The following EHBP1 variants were observed in gnomAD, a reference collection of about 807,000 sequenced individuals.
EHBP1 encodes EH domain-binding protein 1.
EHBP1 carries 55 observed loss-of-function variants against 144.0 expected under a neutral mutation model. The observed-to-expected ratio is 0.38, with a 90% CI of 0.31 to 0.48. The LOEUF (loss-of-function observed/expected upper bound fraction) is 0.48, where lower values mean the gene tolerates loss of function less well. Among genes scored for constraint, EHBP1 ranks in the 20% least tolerant of loss-of-function variants. The probability of loss-of-function intolerance (pLI) is 0.98; values close to 1 mark genes in which losing one functional copy is unlikely to be tolerated. For missense variants in EHBP1, 1,200 were observed against 1,364.2 expected (o/e 0.88, Z 1.90); for synonymous variants, 469 against 472.7 (o/e 0.99, Z 0.10).
intron 7 of EHBP1, among the ~76,000 whole-genome samples, chr2:62,838,061 C>G (rs1258546898): frequency 6.6e-6 from 1 of 150,684 alleles, no homozygotes; most frequent in African/African-American, 2.5e-5. Flanking sequence ...CACACCACAC[C>G]TATTCCAAAA....
chr2:62,981,760 G>C (rs1462198493), intron 15 of EHBP1, among the ~76,000 whole-genome samples: 1 of 152,170 alleles, frequency 6.6e-6, no homozygotes, highest in Non-Finnish European at 1.5e-5. Context: ...GTGAGGACTG[G>C]ATCTATAGAG....
At chr2:62,920,237 G>A (rs1455517558) in intron 10 of EHBP1, among the ~76,000 whole-genome samples, 2 of 152,068 alleles carry the variant, frequency 1.3e-5, no homozygotes, top group Non-Finnish European at 2.9e-5. Flanking sequence ...CAAGAGAGAA[G>A]TGACTCATCA....
chr2:62,838,806 C>G (rs1260353505), intron 7 of EHBP1, among the ~76,000 whole-genome samples: 2 of 145,614 alleles, frequency 1.4e-5, no homozygotes, highest in African/African-American at 5.1e-5. Context: ...AGTTGAATCT[C>G]TGAATAGACC....
intron 10 of EHBP1, among the ~76,000 whole-genome samples, chr2:62,877,294 T>A (rs917313568): frequency 6.6e-6 from 1 of 152,106 alleles, no homozygotes; most frequent in Non-Finnish European, 1.5e-5. Context: ...TTCAATTCAA[T>A]AAGAAGGCTT....
At chr2:62,877,141 A>G (rs1339127115) in intron 10 of EHBP1, among the ~76,000 whole-genome samples, 1 of 152,192 alleles carries the variant, frequency 6.6e-6, no homozygotes, top group Non-Finnish European at 1.5e-5. Flanking sequence ...CCATAGGCCC[A>G]AAGTAAAGGG....
intron 3 of EHBP1, among the ~76,000 whole-genome samples, chr2:62,750,226 A>T (rs988157873): frequency 3.3e-5 from 5 of 152,126 alleles, no homozygotes; most frequent in South Asian, 2.1e-4. Flanking sequence ...CCCAGCACCA[A>T]TTATTAAATA....
chr2:62,972,473 T>C (rs527588512), intron 14 of EHBP1, among the ~76,000 whole-genome samples: 1 of 152,274 alleles, frequency 6.6e-6, no homozygotes, highest in East Asian at 1.9e-4. Flanking sequence ...AATGAACTAG[T>C]TTTACTTATG....
chr2:62,695,333 T>G (rs2034048460), intron 1 of EHBP1, among the ~76,000 whole-genome samples: 1 of 151,896 alleles, frequency 6.6e-6, no homozygotes, highest in African/African-American at 2.4e-5. Flanking sequence ...TGCACTCTAC[T>G]CCGGATGACA....
chr2:63,000,421 T>C (rs986274858), intron 19 of EHBP1, among the ~76,000 whole-genome samples: 3 of 151,126 alleles, frequency 2.0e-5, no homozygotes, highest in Non-Finnish European at 4.4e-5. Flanking sequence ...TCAGGCCGGG[T>C]GTAGTGGCTC....
intron 10 of EHBP1, among the ~76,000 whole-genome samples, chr2:62,938,203 A>G (rs999198942): frequency 6.6e-6 from 1 of 152,262 alleles, no homozygotes; most frequent in Admixed American, 6.5e-5. Flanking sequence ...TGAATTTTGT[A>G]TGATAGAAAG....
At chr2:62,900,428 A>G (rs1348085554) in intron 10 of EHBP1, among the ~76,000 whole-genome samples, 1 of 151,960 alleles carries the variant, frequency 6.6e-6, no homozygotes, top group Non-Finnish European at 1.5e-5. Flanking sequence ...TCAAGACCAG[A>G]CTGGGCAACA....
intron 15 of EHBP1, among the ~76,000 whole-genome samples, chr2:62,980,081 A>T (rs1311661279): frequency 6.6e-6 from 1 of 152,150 alleles, no homozygotes; most frequent in East Asian, 1.9e-4. Context: ...TGCAAAGATC[A>T]CTCTGAAGAG....
intron 1 of EHBP1, among the ~76,000 whole-genome samples, chr2:62,678,038 GT>G (rs34331882): frequency 6.6e-6 from 1 of 152,074 alleles, no homozygotes; most frequent in African/African-American, 2.4e-5. Context: ...CTCTATTTAA[GT>G]TTTTTTGAGG....
At chr2:62,924,609 A>G (rs567250598) in intron 10 of EHBP1, among the ~76,000 whole-genome samples, 1 of 152,350 alleles carries the variant, frequency 6.6e-6, no homozygotes, top group South Asian at 2.1e-4. Context: ...AACCTAGAGG[A>G]AATGGATAAA....
At chr2:62,955,319 A>G (rs917027796) in intron 13 of EHBP1, among the ~76,000 whole-genome samples, 198 bp from the exon 14 acceptor site, 1 of 152,134 alleles carries the variant, frequency 6.6e-6, no homozygotes, top group Non-Finnish European at 1.5e-5. Context: ...GTAAAGATGT[A>G]TTTCCCTCAT....
chr2:62,966,201 T>C (rs1248095537), intron 14 of EHBP1, among the ~76,000 whole-genome samples: 2 of 152,220 alleles, frequency 1.3e-5, no homozygotes, highest in East Asian at 1.9e-4. Context: ...TTTTCCATGC[T>C]TAGATTAAAA....
At chr2:62,827,548 C>A (rs868487363) in intron 6 of EHBP1, among the ~76,000 whole-genome samples, 1 of 152,176 alleles carries the variant, frequency 6.6e-6, no homozygotes, top group South Asian at 2.1e-4. Context: ...AAAAGGAATT[C>A]TTTCCGAACA....
intron 6 of EHBP1, among the ~76,000 whole-genome samples, chr2:62,829,547 T>C (rs1453021808): frequency 6.7e-6 from 1 of 148,944 alleles, no homozygotes; most frequent in East Asian, 1.9e-4. Flanking sequence ...TTTGTTCCTT[T>C]TTAAGGCTGA....
intron 10 of EHBP1, among the ~76,000 whole-genome samples, chr2:62,932,168 C>A (rs1054949919): frequency 6.8e-6 from 1 of 145,994 alleles, no homozygotes. Flanking sequence ...CAGAGCGAGA[C>A]GGCATCTAAA....
Sources: gnomAD v4.1 joint callset for allele counts (sites outside exome capture counted in the v4.1 genomes callset) on GRCh38, gnomAD v4.1.1 for gene constraint, MANE v1.5 for transcripts, NCBI Gene and HGNC (gene_info 2026-07-23, HGNC 2026-07-21) for gene names.